ARHGAP15: variants seen among roughly 807,000 people sequenced by gnomAD.
The protein encoded by ARHGAP15 is rho GTPase-activating protein 15.
Under a neutral mutation model 63.7 loss-of-function variants are expected in ARHGAP15, and 51 were observed. The observed-to-expected ratio is 0.80, with a 90% CI of 0.64 to 1.01. ARHGAP15 has a LOEUF of 1.01. Ranked by LOEUF, ARHGAP15 falls within the 50% of genes least tolerant of loss-of-function variation. The probability of loss-of-function intolerance (pLI) is 0.00; values close to 1 mark genes in which losing one functional copy is unlikely to be tolerated. For missense variants in ARHGAP15, 560 were observed against 564.6 expected (o/e 0.99, Z 0.08); for synonymous variants, 191 against 193.8 (o/e 0.99, Z 0.12).
At chr2:143,212,646 A>G (rs1342068974) in intron 3 of ARHGAP15, among the ~76,000 whole-genome samples, 1 of 152,182 alleles carries the variant, frequency 6.6e-6, no homozygotes, top group Non-Finnish European at 1.5e-5. Context: ...AGCACGCTCA[A>G]CTGGAATTTA....
chr2:143,699,850 T>A (rs1462223475), intron 12 of ARHGAP15, among the ~76,000 whole-genome samples: 1 of 152,198 alleles, frequency 6.6e-6, no homozygotes, highest in African/African-American at 2.4e-5. Flanking sequence ...TTGTGCTTGG[T>A]ACATTACATA....
chr2:143,456,132 A>T (rs538622556), intron 8 of ARHGAP15, among the ~76,000 whole-genome samples: 1 of 152,212 alleles, frequency 6.6e-6, no homozygotes, highest in South Asian at 2.1e-4. Context: ...CATTTGGCTT[A>T]TGCAAAATTT....
At chr2:143,377,431 AAT>A (rs1686864013) in intron 6 of ARHGAP15, among the ~76,000 whole-genome samples, 1 of 150,880 alleles carries the variant, frequency 6.6e-6, no homozygotes. Flanking sequence ...GAAAAAATAA[AAT>A]AATAATGCCC....
At chr2:143,644,399 G>A (rs1180008197) in intron 12 of ARHGAP15, among the ~76,000 whole-genome samples, 1 of 152,036 alleles carries the variant, frequency 6.6e-6, no homozygotes, top group East Asian at 1.9e-4. Context: ...AGGTTTTATG[G>A]CTTGCTTTGA....
chr2:143,239,474 T>C (rs1229189522), intron 5 of ARHGAP15, among the ~76,000 whole-genome samples: 2 of 152,150 alleles, frequency 1.3e-5, no homozygotes, highest in Admixed American at 1.3e-4. Flanking sequence ...CAGACCCTGG[T>C]AAGTACTATT....
chr2:143,759,389 G>C (rs1686683917), intron 13 of ARHGAP15, among the ~76,000 whole-genome samples: 1 of 152,016 alleles, frequency 6.6e-6, no homozygotes, highest in African/African-American at 2.4e-5. Flanking sequence ...TAAGTCATAG[G>C]AATTATTCCT....
At chr2:143,560,032 C>T (rs1695959296) in intron 11 of ARHGAP15, among the ~76,000 whole-genome samples, 1 of 152,184 alleles carries the variant, frequency 6.6e-6, no homozygotes, top group Admixed American at 6.5e-5. Flanking sequence ...TTGAGATTTT[C>T]AAGACAGATG....
intron 5 of ARHGAP15, among the ~76,000 whole-genome samples, chr2:143,249,575 C>G (rs780883092): frequency 2.6e-5 from 4 of 151,840 alleles, no homozygotes; most frequent in African/African-American, 4.8e-5. Context: ...ACAGAGAAAC[C>G]TAGAAAATTT....
At chr2:143,348,771 A>T (rs989680731) in intron 6 of ARHGAP15, among the ~76,000 whole-genome samples, 1 of 152,162 alleles carries the variant, frequency 6.6e-6, no homozygotes, top group East Asian at 1.9e-4. Flanking sequence ...TTCAATGGTG[A>T]TAGTTTTTCC....
intron 6 of ARHGAP15, among the ~76,000 whole-genome samples, chr2:143,348,251 C>A (rs1440631823): frequency 6.6e-6 from 1 of 152,078 alleles, no homozygotes; most frequent in African/African-American, 2.4e-5. Flanking sequence ...TGTGTTTAAG[C>A]CAAAGTTGAA....
chr2:143,250,387 G>C (rs1441338061), intron 5 of ARHGAP15, 124 bp from the exon 6 acceptor site: 1 of 617,654 alleles, frequency 1.6e-6, no homozygotes, highest in African/African-American at 1.9e-5. Context: ...GTTTCCCCTG[G>C]GGAAAACAAA....
chr2:143,431,524 A>ACGTT (rs1689388903), intron 6 of ARHGAP15, among the ~76,000 whole-genome samples: 1 of 152,082 alleles, frequency 6.6e-6, no homozygotes, highest in African/African-American at 2.4e-5. Flanking sequence ...CAACGTTTAA[A>ACGTT]GAATAACGTA....
intron 12 of ARHGAP15, among the ~76,000 whole-genome samples, chr2:143,667,183 A>G (rs1559114416): frequency 1.3e-5 from 2 of 149,566 alleles, no homozygotes; most frequent in African/African-American, 4.9e-5. Context: ...ATGTCCAACA[A>G]TGATAGACTG....
At chr2:143,179,771 A>C (rs533942866) in intron 2 of ARHGAP15, among the ~76,000 whole-genome samples, 30 of 152,206 alleles carry the variant, frequency 2.0e-4, no homozygotes, top group African/African-American at 6.5e-4. Flanking sequence ...CCATGCCTGT[A>C]GTCCCACCTA....
chr2:143,767,422 G>T (rs1336941324), intron 13 of ARHGAP15, among the ~76,000 whole-genome samples: 2 of 152,112 alleles, frequency 1.3e-5, no homozygotes, highest in East Asian at 3.9e-4. Flanking sequence ...GTGGCATTAA[G>T]CTAAATTGGC....
At chr2:143,401,550 T>C (rs1687988947) in intron 6 of ARHGAP15, among the ~76,000 whole-genome samples, 1 of 152,052 alleles carries the variant, frequency 6.6e-6, no homozygotes, top group Non-Finnish European at 1.5e-5. Flanking sequence ...TGTTGAGTGT[T>C]TCATGAGTGA....
At chr2:143,357,080 T>C (rs1369621316) in intron 6 of ARHGAP15, among the ~76,000 whole-genome samples, 2 of 152,228 alleles carry the variant, frequency 1.3e-5, no homozygotes, top group Non-Finnish European at 2.9e-5. Flanking sequence ...CACCTGAATA[T>C]GGATTACTTA....
At chr2:143,471,313 A>T (rs2105189418) in intron 8 of ARHGAP15, among the ~76,000 whole-genome samples, 1 of 149,748 alleles carries the variant, frequency 6.7e-6, no homozygotes, top group African/African-American at 2.5e-5. Flanking sequence ...ATATGCACAC[A>T]CATACTGAGC....
chr2:143,294,527 T>C (rs1682551001), intron 6 of ARHGAP15, among the ~76,000 whole-genome samples: 1 of 152,090 alleles, frequency 6.6e-6, no homozygotes. Flanking sequence ...TCCCATGTGA[T>C]GGACCCAGTG....
Sources: allele counts gnomAD v4.1 joint callset (sites outside exome capture counted in the v4.1 genomes callset), GRCh38; gene constraint gnomAD v4.1.1; transcripts MANE v1.5; gene names NCBI Gene and HGNC (gene_info 2026-07-23, HGNC 2026-07-21).